Variants in C1orf21 observed in about 807,000 individuals in gnomAD.
C1orf21 encodes chromosome 1 open reading frame 21, also known as uncharacterized protein C1orf21.
C1orf21 carries 3 observed loss-of-function variants against 18.7 expected under a neutral mutation model. That is an observed-to-expected ratio of 0.16 (90% CI 0.07 to 0.42). The LOEUF (loss-of-function observed/expected upper bound fraction) is 0.42, where lower values mean the gene tolerates loss of function less well. C1orf21 is among the 10% of genes least tolerant of loss of function. The pLI is 0.99. For missense variants in C1orf21, 104 were observed against 143.6 expected, an observed-to-expected ratio of 0.72 and a Z score of 1.41; for synonymous variants, 41 against 46.4, an observed-to-expected ratio of 0.88 and a Z score of 0.47.
At chr1:184,556,756 T>C (rs1658884914) in intron 3 of C1orf21, among the ~76,000 whole-genome samples, 1 of 152,122 alleles carries the variant, frequency 6.6e-6, no homozygotes, top group Admixed American at 6.5e-5. Context: ...GAAAAACACA[T>C]GAGCCACACT....
At chr1:184,535,528 A>G (rs1658538380) in intron 3 of C1orf21, among the ~76,000 whole-genome samples, 1 of 152,252 alleles carries the variant, frequency 6.6e-6, no homozygotes. Flanking sequence ...GTCAAACAGC[A>G]TCATTCCTGG....
intron 2 of C1orf21, among the ~76,000 whole-genome samples, chr1:184,506,233 A>T (rs1363519486): frequency 6.6e-6 from 1 of 152,224 alleles, no homozygotes; most frequent in African/African-American, 2.4e-5. Flanking sequence ...GGCTTAGTGA[A>T]CATGAAGTCT....
At chr1:184,482,118 A>C (rs1657666485) in intron 2 of C1orf21, among the ~76,000 whole-genome samples, 2 of 152,178 alleles carry the variant, frequency 1.3e-5, no homozygotes, top group South Asian at 4.1e-4. Flanking sequence ...TAACCAGCTT[A>C]TTATTCCTCA....
At chr1:184,533,099 T>C (rs962744178) in intron 3 of C1orf21, among the ~76,000 whole-genome samples, 8 of 152,048 alleles carry the variant, frequency 5.3e-5, no homozygotes, top group African/African-American at 9.7e-5. Context: ...TCCCGGGTAA[T>C]AACCTGAGCA....
chr1:184,418,985 A>G (rs142162874), intron 1 of C1orf21, among the ~76,000 whole-genome samples: 1 of 152,200 alleles, frequency 6.6e-6, no homozygotes, highest in Non-Finnish European at 1.5e-5. Flanking sequence ...TTCTTGGGCC[A>G]TGTTTTCTTT....
chr1:184,619,679 T>C lies in C1orf21; in HGVS notation c.*123T>C. On this transcript the variant is annotated 3_prime_UTR_variant, in exon 6 of 6. Transcript: ENST00000235307. Reference sequence around the variant, plus strand: ...ACTATAGCAAAAGAAGATCGTTCCATATTGTACGCCCCATTAAATTACAGT... The same window carrying C: ...ACTATAGCAAAAGAAGATCGTTCCACATTGTACGCCCCATTAAATTACAGT... 1 of 788,334 alleles carries C rather than the reference T, an allele frequency of 1.3e-6. No individual in the cohort carries two copies. The highest frequency in any genetic ancestry group is 2.0e-6 in the Non-Finnish European group (1 of 491,296). 48.8% of individuals were successfully genotyped at this position (788,334 alleles called of 1,614,324 possible).
chr1:184,432,237 G>A (rs986402844), intron 1 of C1orf21, among the ~76,000 whole-genome samples: 1 of 152,172 alleles, frequency 6.6e-6, no homozygotes, highest in Admixed American at 6.5e-5. Flanking sequence ...GTTTATTGCA[G>A]CACTATTCAC....
chr1:184,521,669 T>A (rs1380455430), intron 3 of C1orf21, among the ~76,000 whole-genome samples: 1 of 152,218 alleles, frequency 6.6e-6, no homozygotes, highest in African/African-American at 2.4e-5. Context: ...TGTATGGTAC[T>A]GTAATGGTAG....
chr1:184,530,714 T>A (rs1370572541), intron 3 of C1orf21, among the ~76,000 whole-genome samples: 1 of 151,872 alleles, frequency 6.6e-6, no homozygotes, highest in African/African-American at 2.4e-5. Flanking sequence ...TGACTTTTTT[T>A]TCCTTATAGC....
In C1orf21 at chr1:184,551,678, C is replaced by T. The variant is rs182686059; in HGVS notation, c.190-39061C>T. Among the ~76,000 whole-genome samples the T allele has an allele frequency of 6.4e-4, 98 of 152,278 alleles. 1 individual carries two copies. Among genetic ancestry groups the T allele is most frequent in the African/African-American group, 2.2e-3 (93 of 41,554 alleles). Reference sequence around the variant, plus strand: ...GTGTTTGGCAAGAGGGTGGATCCATCGCCTCATCTGGGCAGAAATGAATTG... The same window carrying T: ...GTGTTTGGCAAGAGGGTGGATCCATTGCCTCATCTGGGCAGAAATGAATTG... On this transcript the variant is annotated intron_variant, in intron 3 of 5. Transcript: ENST00000235307.
intron 1 of C1orf21, among the ~76,000 whole-genome samples, chr1:184,476,293 G>A (rs1030257419): frequency 5.3e-5 from 8 of 152,158 alleles, no homozygotes; most frequent in Non-Finnish European, 1.2e-4. Flanking sequence ...GCAGTGGGAC[G>A]TGGGTGCTGA....
Position 184,627,970 on chromosome 1 carries a change from A to G in C1orf21, c.*8414A>G, listed in dbSNP as rs1326191902. 1 of 152,218 alleles carries G rather than the reference A, an allele frequency of 6.6e-6. No homozygotes were observed. The highest frequency in any genetic ancestry group is 1.5e-5 in the Non-Finnish European group (1 of 68,038). The allele number at this position is 152,218 out of a possible 1,614,324, so 9.4% of individuals were successfully genotyped here. A position where few individuals can be genotyped will look rare whatever the true frequency, so the allele number is the denominator to read the frequency against. ...CTCCATGCCAGTTGTTAATGGCTAC[A>G]TATTTGCCCTTCCCAAGGGTATTTG... On this transcript the variant is annotated 3_prime_UTR_variant, in exon 6 of 6. Coordinates refer to ENST00000235307, the MANE Select transcript of C1orf21 (RefSeq NM_030806.4).
intron 1 of C1orf21, among the ~76,000 whole-genome samples, chr1:184,430,113 CAAAA>C (rs34368090): frequency 5.0e-5 from 5 of 100,308 alleles, no homozygotes; most frequent in African/African-American, 6.9e-5. Flanking sequence ...CTCCGTCTCA[CAAAA>C]AAAAAAAAAA....
At chr1:184,428,126 C>G (rs1656670855) in intron 1 of C1orf21, among the ~76,000 whole-genome samples, 1 of 152,178 alleles carries the variant, frequency 6.6e-6, no homozygotes, top group Non-Finnish European at 1.5e-5. Context: ...TCAGTACCTT[C>G]CTGACCACAG....
At chr1:184,559,229 A>G (rs1263908724) in intron 3 of C1orf21, among the ~76,000 whole-genome samples, 1 of 152,012 alleles carries the variant, frequency 6.6e-6, no homozygotes, top group African/African-American at 2.4e-5. Flanking sequence ...ATAGTGAGTT[A>G]TTGCAAGATC....
At chr1:184,548,587 G>C (rs1658765964) in intron 3 of C1orf21, among the ~76,000 whole-genome samples, 1 of 151,990 alleles carries the variant, frequency 6.6e-6, no homozygotes, top group Admixed American at 6.6e-5. Flanking sequence ...GCCAGAATGG[G>C]CAGTTCCCAA....
At chr1:184,429,212 A>C (rs10158710) in intron 1 of C1orf21, among the ~76,000 whole-genome samples, 55,703 of 151,882 alleles carry the variant, frequency 0.37, 11,982 homozygotes, top group African/African-American at 0.6. Context: ...GTAGAAATGG[A>C]CCTCAGCACG....
At chr1:184,403,092 T>C (rs780420980) in intron 1 of C1orf21, among the ~76,000 whole-genome samples, 7 of 152,190 alleles carry the variant, frequency 4.6e-5, no homozygotes, top group Non-Finnish European at 8.8e-5. Context: ...CTTTACCAGT[T>C]GGATTGTGAA....
chr1:184,498,052 T>C (rs781570012), intron 2 of C1orf21, among the ~76,000 whole-genome samples: 2 of 152,154 alleles, frequency 1.3e-5, no homozygotes, highest in Non-Finnish European at 2.9e-5. Flanking sequence ...CTGTATCTAT[T>C]CTATGCCGCT....
Sources: gnomAD v4.1 joint callset for allele counts (sites outside exome capture counted in the v4.1 genomes callset) on GRCh38, gnomAD v4.1.1 for gene constraint, MANE v1.5 for transcripts, NCBI Gene and HGNC (gene_info 2026-07-23, HGNC 2026-07-21) for gene names.